DGKI: variants seen among roughly 807,000 people sequenced by gnomAD.
DGKI encodes the protein diacylglycerol kinase iota.
Under a neutral mutation model 147.5 loss-of-function variants are expected in DGKI, and 55 were observed. That is an observed-to-expected ratio of 0.37 (90% CI 0.30 to 0.47). DGKI has a LOEUF of 0.47. Among genes scored for constraint, DGKI ranks in the 20% least tolerant of loss-of-function variants. The probability of loss-of-function intolerance (pLI) is 1.00; values close to 1 mark genes in which losing one functional copy is unlikely to be tolerated. For synonymous variants in DGKI, 469 were observed against 477.1 expected (o/e 0.98, Z 0.22); for missense variants, 1,007 against 1,323.8 (o/e 0.76, Z 3.71).
At chr7:137,464,526 G>A (rs981914757) in intron 26 of DGKI, among the ~76,000 whole-genome samples, 1 of 152,174 alleles carries the variant, frequency 6.6e-6, no homozygotes, top group African/African-American at 2.4e-5. Context: ...TCCCAGGGGT[G>A]CATCAGGTTA....
intron 23 of DGKI, among the ~76,000 whole-genome samples, chr7:137,480,303 A>G (rs1218096366): frequency 6.6e-6 from 1 of 152,172 alleles, no homozygotes; most frequent in African/African-American, 2.4e-5. Context: ...ATCAATTCCC[A>G]GGAAGACTCT....
intron 1 of DGKI, among the ~76,000 whole-genome samples, chr7:137,746,485 T>A (rs1265360908): frequency 1.3e-5 from 2 of 152,202 alleles, no homozygotes; most frequent in Admixed American, 1.3e-4. Context: ...AGCCACACTG[T>A]GAAATCTCTT....
chr7:137,491,113 G>C (rs994795189), intron 21 of DGKI, among the ~76,000 whole-genome samples: 1 of 152,162 alleles, frequency 6.6e-6, no homozygotes, highest in African/African-American at 2.4e-5. Flanking sequence ...AGTGGGTATA[G>C]ACATGAACCA....
intron 1 of DGKI, among the ~76,000 whole-genome samples, chr7:137,819,430 C>T (rs1797831524): frequency 6.6e-6 from 1 of 151,820 alleles, no homozygotes; most frequent in Admixed American, 6.6e-5. Context: ...CCTGCCTCAT[C>T]CTCCTGAGTA....
rs532680248 is a variant in DGKI, at chr7:137,473,818, GA to G, written c.2374-4200del. On this transcript the variant is annotated intron_variant, in intron 23 of 32. Coordinates refer to ENST00000614521, the MANE Select transcript of DGKI (RefSeq NM_001321708.2). ...TTATGTTCATTTTTATAAACAAAGG[GA>G]AAAAATGTATTTATATTTACCATTG... Among the ~76,000 whole-genome samples the G allele has an allele frequency of 1.3e-3, 201 of 152,098 alleles. 3 individuals carry two copies. The South Asian group carries it at 0.024, about 18-fold the overall frequency.
chr7:137,533,257 T>A (rs1314876014), intron 20 of DGKI, among the ~76,000 whole-genome samples: 1 of 151,792 alleles, frequency 6.6e-6, no homozygotes, highest in Admixed American at 6.6e-5. Flanking sequence ...CCACTACACT[T>A]CAGCCTAGCC....
intron 21 of DGKI, chr7:137,493,890 T>C: frequency 3.1e-6 from 2 of 639,640 alleles, no homozygotes; most frequent in Admixed American, 2.5e-5. Flanking sequence ...ATCATCGAGA[T>C]TCAGGAGAAA....
At chr7:137,446,370 A>C (rs1192637139) in intron 27 of DGKI, among the ~76,000 whole-genome samples, 3 of 152,224 alleles carry the variant, frequency 2.0e-5, no homozygotes, top group Non-Finnish European at 4.4e-5. Context: ...TGGAATTTTA[A>C]GACATATGGA....
intron 1 of DGKI, among the ~76,000 whole-genome samples, chr7:137,702,753 T>G (rs1043130666): frequency 2.6e-5 from 4 of 152,194 alleles, no homozygotes; most frequent in Non-Finnish European, 5.9e-5. Context: ...ACTGTCGTAA[T>G]GTGCCATGTC....
intron 1 of DGKI, among the ~76,000 whole-genome samples, chr7:137,790,453 A>C (rs534186268): frequency 4.6e-5 from 7 of 152,350 alleles, no homozygotes; most frequent in African/African-American, 7.2e-5. Context: ...TCTGTCAAAG[A>C]AGGGTAGGTA....
chr7:137,400,576 C>T (rs1811715544), intron 30 of DGKI, among the ~76,000 whole-genome samples: 1 of 152,128 alleles, frequency 6.6e-6, no homozygotes, highest in African/African-American at 2.4e-5. Context: ...AATTTCTGAC[C>T]AGAGTCACTA....
chr7:137,778,683 G>T (rs1246655847), intron 1 of DGKI, among the ~76,000 whole-genome samples: 2 of 152,094 alleles, frequency 1.3e-5, no homozygotes, highest in Admixed American at 1.3e-4. Context: ...AAGACAAACT[G>T]CAATGAATGA....
At chr7:137,480,866 GT>G (rs1372163973) in intron 23 of DGKI, among the ~76,000 whole-genome samples, 1 of 152,052 alleles carries the variant, frequency 6.6e-6, no homozygotes, top group Admixed American at 6.6e-5. Context: ...AACCCAGGGT[GT>G]CTACAAAAAA....
chr7:137,585,405 C>T lies in DGKI; in HGVS notation c.1426-59G>A, dbSNP rs560443551. The stretch of plus-strand genomic sequence containing the variant: ...AGAGTGGAGAACAGTGAAGCCAATG[C>T]TATTTTACGCAAGGAAGAGCCAAGC... On this transcript the variant is annotated intron_variant, in intron 13 of 32. Transcript: ENST00000614521. 54 of 1,562,192 alleles carry T rather than the reference C, an allele frequency of 3.5e-5. No individual in the cohort carries two copies. The African/African-American group carries it at 5.1e-4, about 15-fold the overall frequency.
Position 137,673,071 on chromosome 7 carries a change from C to T in DGKI, c.606+5486G>A, listed in dbSNP as rs572496418. Among the ~76,000 whole-genome samples the T allele has an allele frequency of 7.3e-5, 11 of 151,416 alleles. No homozygotes were observed. In the South Asian group the frequency reaches 1.5e-3, roughly 20 times the overall value. On this transcript the variant is annotated intron_variant, in intron 3 of 32. Transcript: ENST00000614521. ...TGCTGGGATTACAGGCATGAGCCAC[C>T]GCGCCCAGCGTGTGTCTTCTCTTAT...
At chr7:137,425,190 C>A (rs1812745498) in intron 28 of DGKI, among the ~76,000 whole-genome samples, 1 of 152,130 alleles carries the variant, frequency 6.6e-6, no homozygotes, top group African/African-American at 2.4e-5. Flanking sequence ...GGGTACTCCT[C>A]TGAGACAAAA....
At chr7:137,640,262 A>G (rs1169154540) in intron 6 of DGKI, among the ~76,000 whole-genome samples, 2 of 152,258 alleles carry the variant, frequency 1.3e-5, no homozygotes, top group Admixed American at 6.5e-5. Flanking sequence ...TGATGCCACT[A>G]GTATGAGAAA....
At chr7:137,822,962 T>A (rs1797946055) in intron 1 of DGKI, among the ~76,000 whole-genome samples, 1 of 147,080 alleles carries the variant, frequency 6.8e-6, no homozygotes, top group South Asian at 2.1e-4. Context: ...AAAAAAAAAA[T>A]CAGAGGAATA....
At position 137,413,685 on chromosome 7, in the gene DGKI, T is replaced by C. The variant is rs867843165; in HGVS notation, c.2762-1478A>G. On this transcript the variant is annotated intron_variant, in intron 28 of 32. Transcript: ENST00000614521. The stretch of plus-strand genomic sequence containing the variant: ...ACATTTTCTTTATCTGCTCCACTGC[T>C]GATAGGCACCTATGTTGATTCCAGG... Among the ~76,000 whole-genome samples, 21 of 152,336 alleles carry C rather than the reference T, an allele frequency of 1.4e-4. No individual in the cohort carries two copies. In the Middle Eastern group the frequency reaches 0.017, roughly 123 times the overall value.
Sources: allele counts gnomAD v4.1 joint callset (sites outside exome capture counted in the v4.1 genomes callset), GRCh38; gene constraint gnomAD v4.1.1; transcripts MANE v1.5; gene names NCBI Gene and HGNC (gene_info 2026-07-23, HGNC 2026-07-21).